Variants in GALNT13 observed in about 807,000 individuals in gnomAD.
GALNT13 encodes the protein UDP-GalNAc:polypeptide N-acetylgalactosaminyltransferase 13.
A neutral mutation model predicts 64.2 loss-of-function variants in GALNT13; 28 were observed. The ratio of observed to expected loss-of-function variants is 0.44; its 90% CI spans 0.32 to 0.60. GALNT13 has a LOEUF of 0.60. GALNT13 is among the 20% of genes least tolerant of loss of function. GALNT13 has a pLI of 0.05. For synonymous variants in GALNT13, 214 were observed against 224.6 expected, an observed-to-expected ratio of 0.95 and a Z score of 0.42; for missense variants, 577 against 669.8, an observed-to-expected ratio of 0.86 and a Z score of 1.53.
intron 9 of GALNT13, among the ~76,000 whole-genome samples, chr2:154,304,374 T>C (rs1160321080): frequency 6.6e-6 from 1 of 152,242 alleles, no homozygotes; most frequent in Non-Finnish European, 1.5e-5. Context: ...CTTTTGATGA[T>C]ACTTTTTGAA....
At chr2:154,042,557 A>G (rs1163150498) in intron 3 of GALNT13, among the ~76,000 whole-genome samples, 1 of 116,738 alleles carries the variant, frequency 8.6e-6, no homozygotes, top group East Asian at 2.2e-4. Flanking sequence ...AATCTTTTTT[A>G]AAGTGCACAG....
chr2:153,170,577 G>A, the GALNT13 span, among the ~76,000 whole-genome samples: 3 of 152,166 alleles, frequency 2.0e-5, no homozygotes, highest in Non-Finnish European at 2.9e-5. Flanking sequence ...GTGTCACACA[G>A]AAGAAAAAAT....
At chr2:153,715,311 G>C in the GALNT13 span, among the ~76,000 whole-genome samples, 3 of 152,224 alleles carry the variant, frequency 2.0e-5, no homozygotes, top group East Asian at 5.8e-4. Context: ...ATGAAGTCTA[G>C]AACAAACTGT....
chr2:153,287,414 T>A, the GALNT13 span, among the ~76,000 whole-genome samples: 1 of 152,214 alleles, frequency 6.6e-6, no homozygotes, highest in Non-Finnish European at 1.5e-5. Context: ...CAGAGGGCTT[T>A]CTGTATCCTG....
the GALNT13 span, among the ~76,000 whole-genome samples, chr2:153,169,127 C>G: frequency 1.3e-5 from 2 of 152,294 alleles, no homozygotes; most frequent in African/African-American, 4.8e-5. Context: ...CAACTAAACA[C>G]AAAGGTTCTG....
intron 4 of GALNT13, among the ~76,000 whole-genome samples, chr2:154,156,534 C>T (rs562932622): frequency 6.6e-6 from 1 of 152,116 alleles, no homozygotes; most frequent in East Asian, 1.9e-4. Context: ...GAATTATGAC[C>T]TGGAATTTTC....
chr2:153,126,297 TATA>T, the GALNT13 span, among the ~76,000 whole-genome samples: 1 of 6,078 alleles, frequency 1.6e-4, no homozygotes, highest in South Asian at 4.8e-3. Flanking sequence ...ATTGATTTTG[TATA>T]TATATATATA....
chr2:153,116,093 A>G, the GALNT13 span, among the ~76,000 whole-genome samples: 2 of 152,216 alleles, frequency 1.3e-5, no homozygotes, highest in Admixed American at 6.5e-5. Context: ...GTTACATTAT[A>G]TATAAAGGAC....
intron 8 of GALNT13, among the ~76,000 whole-genome samples, chr2:154,300,355 G>T (rs904455958): frequency 6.6e-6 from 1 of 151,652 alleles, no homozygotes; most frequent in South Asian, 2.1e-4. Context: ...TGCCCACCTC[G>T]GCCTCCCAAA....
intron 4 of GALNT13, among the ~76,000 whole-genome samples, chr2:154,209,641 C>T (rs1207744098): frequency 1.3e-5 from 2 of 152,080 alleles, no homozygotes; most frequent in Non-Finnish European, 2.9e-5. Context: ...TTTTAGAAAA[C>T]ATCCAGACTT....
chr2:154,070,084 A>G (rs1700665656), intron 3 of GALNT13, among the ~76,000 whole-genome samples: 1 of 152,132 alleles, frequency 6.6e-6, no homozygotes, highest in African/African-American at 2.4e-5. Flanking sequence ...AATATAAATG[A>G]ATGCTCATCC....
the GALNT13 span, among the ~76,000 whole-genome samples, chr2:153,248,897 T>C: frequency 2.7e-5 from 4 of 149,564 alleles, no homozygotes; most frequent in African/African-American, 7.4e-5. Flanking sequence ...ATAAGAGCCA[T>C]TTATTACAAA....
At chr2:154,081,656 G>A (rs866419776) in intron 3 of GALNT13, among the ~76,000 whole-genome samples, 2 of 151,744 alleles carry the variant, frequency 1.3e-5, no homozygotes, top group East Asian at 1.9e-4. Context: ...ATACCATAGC[G>A]CAATATATTC....
At chr2:153,503,793 T>A in the GALNT13 span, among the ~76,000 whole-genome samples, 1 of 152,162 alleles carries the variant, frequency 6.6e-6, no homozygotes, top group Non-Finnish European at 1.5e-5. Context: ...TATGGCCTTA[T>A]AGTATAGTTT....
In GALNT13 at chr2:154,396,098, C is replaced by CAG; in HGVS notation, c.1266_1267dup (p.Ile423ArgfsTer12). ...CCTAGAAAACATCTATCCGGACTCC[C>CAG]AGATCCCAAGACGTTATTACTCACT... On this transcript the variant is annotated frameshift_variant, in exon 10 of 13. Transcript: ENST00000392825. LOFTEE classifies it high-confidence loss of function. The CAG allele has an allele frequency of 6.2e-7, 1 of 1,607,536 alleles. No individual in the cohort carries two copies. The highest frequency in any genetic ancestry group is 8.5e-7 in the Non-Finnish European group (1 of 1,176,708).
At chr2:154,219,349 T>C (rs757251354) in intron 4 of GALNT13, among the ~76,000 whole-genome samples, 9 of 152,066 alleles carry the variant, frequency 5.9e-5, no homozygotes, top group African/African-American at 9.7e-5. Context: ...ACCAATCTTC[T>C]ACCCCAAGTA....
intron 9 of GALNT13, among the ~76,000 whole-genome samples, chr2:154,304,233 G>A (rs1181971533): frequency 7.9e-5 from 12 of 152,074 alleles, no homozygotes; most frequent in South Asian, 2.1e-4. Context: ...GCTATTACGA[G>A]GAACACCATT....
chr2:154,347,275 A>G (rs1172491077), intron 9 of GALNT13, among the ~76,000 whole-genome samples: 1 of 152,114 alleles, frequency 6.6e-6, no homozygotes, highest in Non-Finnish European at 1.5e-5. Context: ...TCAGGACCTT[A>G]GTATATTGAT....
At chr2:153,418,779 C>A in the GALNT13 span, among the ~76,000 whole-genome samples, 3 of 151,968 alleles carry the variant, frequency 2.0e-5, no homozygotes, top group African/African-American at 7.2e-5. Flanking sequence ...GATGGCTTGA[C>A]CCCGGGAGGC....
Sources: gnomAD v4.1 joint callset for allele counts (sites outside exome capture counted in the v4.1 genomes callset) on GRCh38, gnomAD v4.1.1 for gene constraint, MANE v1.5 for transcripts, NCBI Gene and HGNC (gene_info 2026-07-23, HGNC 2026-07-21) for gene names.